The following ADK variants were observed in gnomAD, a reference collection of about 807,000 sequenced individuals.
The protein encoded by ADK is adenosine kinase.
In ADK, 24 loss-of-function variants were observed where a neutral mutation model predicts 44.7. The ratio of observed to expected loss-of-function variants is 0.54; its 90% CI spans 0.39 to 0.76. The LOEUF (loss-of-function observed/expected upper bound fraction) is 0.76. Ranked by LOEUF, ADK falls within the 30% of genes least tolerant of loss-of-function variation. ADK has a pLI of 0.00. For synonymous variants in ADK, 128 were observed against 142.6 expected (o/e 0.90, Z 0.73); for missense variants, 321 against 425.1 (o/e 0.76, Z 2.15).
intron 8 of ADK, among the ~76,000 whole-genome samples, chr10:74,595,170 C>G (rs905885848): frequency 2.4e-4 from 32 of 134,136 alleles, no homozygotes; most frequent in African/African-American, 9.1e-4. Context: ...GAGCCAAACT[C>G]CATCTCAAAA....
At chr10:74,515,234 G>A (rs958764483) in intron 6 of ADK, among the ~76,000 whole-genome samples, 1 of 152,198 alleles carries the variant, frequency 6.6e-6, no homozygotes, top group Non-Finnish European at 1.5e-5. Context: ...TTCTTCAGCT[G>A]TAATCCACTC....
chr10:74,197,738 A>C (rs1396266080), intron 1 of ADK, among the ~76,000 whole-genome samples: 2 of 151,964 alleles, frequency 1.3e-5, no homozygotes, highest in African/African-American at 4.8e-5. Flanking sequence ...GAGACTCAGA[A>C]GTGAATTATT....
At chr10:74,682,207 T>A (rs1305554977) in intron 10 of ADK, among the ~76,000 whole-genome samples, 1 of 152,216 alleles carries the variant, frequency 6.6e-6, no homozygotes, top group Non-Finnish European at 1.5e-5. Flanking sequence ...CTTCAAGAGC[T>A]TTCTTCCGAA....
intron 6 of ADK, among the ~76,000 whole-genome samples, chr10:74,493,023 C>A (rs899671539): frequency 1.3e-5 from 2 of 151,992 alleles, no homozygotes; most frequent in African/African-American, 4.8e-5. Context: ...ATGGAGATTG[C>A]CAAATAATGA....
chr10:74,246,826 T>C (rs1845432290), intron 3 of ADK, among the ~76,000 whole-genome samples: 2 of 152,190 alleles, frequency 1.3e-5, no homozygotes. Flanking sequence ...AGCCAGACAT[T>C]AAAGAGATTT....
At chr10:74,364,402 C>T (rs1367531820) in intron 4 of ADK, among the ~76,000 whole-genome samples, 1 of 152,122 alleles carries the variant, frequency 6.6e-6, no homozygotes, top group East Asian at 1.9e-4. Flanking sequence ...CTGCTCTCAC[C>T]ACGTTTTTAA....
At chr10:74,259,479 CG>C (rs1338845407) in intron 3 of ADK, among the ~76,000 whole-genome samples, 3 of 115,056 alleles carry the variant, frequency 2.6e-5, no homozygotes, top group African/African-American at 1.1e-4. Context: ...TTTTTTGAGA[CG>C]GAGTCTTGCT....
intron 6 of ADK, among the ~76,000 whole-genome samples, chr10:74,487,955 C>T (rs1027147930): frequency 2.0e-5 from 3 of 152,020 alleles, no homozygotes; most frequent in African/African-American, 7.2e-5. Flanking sequence ...AATCCACCCT[C>T]ACCAAGTGAT....
intron 1 of ADK, among the ~76,000 whole-genome samples, chr10:74,193,592 C>T (rs7073432): frequency 0.13 from 20,021 of 152,014 alleles, 1,328 homozygotes; most frequent in Middle Eastern, 0.21. Context: ...TGAGATGAGC[C>T]TGGGCAACAG....
chr10:74,241,149 G>T (rs1845190608), intron 3 of ADK, among the ~76,000 whole-genome samples: 1 of 152,202 alleles, frequency 6.6e-6, no homozygotes, highest in Non-Finnish European at 1.5e-5. Flanking sequence ...TTCCTGAGAT[G>T]ATTCAGCATA....
intron 9 of ADK, among the ~76,000 whole-genome samples, chr10:74,652,906 A>G (rs552388621): frequency 2.6e-5 from 4 of 152,138 alleles, no homozygotes; most frequent in East Asian, 1.9e-4. Flanking sequence ...TCACCATTCA[A>G]ACTACCAAGA....
chr10:74,529,829 A>G (rs1849212615), intron 7 of ADK, among the ~76,000 whole-genome samples: 1 of 152,194 alleles, frequency 6.6e-6, no homozygotes. Context: ...TGGACTATAG[A>G]ATAATAAAGA....
At chr10:74,372,072 C>A in intron 4 of ADK, 2 of 757,356 alleles carry the variant, frequency 2.6e-6, no homozygotes, top group Non-Finnish European at 4.8e-6. Flanking sequence ...GATGCCAGCC[C>A]GGGAAGGTTT....
chr10:74,585,885 A>G (rs774784741), intron 7 of ADK, among the ~76,000 whole-genome samples: 12 of 152,326 alleles, frequency 7.9e-5, no homozygotes, highest in Non-Finnish European at 1.6e-4. Context: ...GCAAAGGCAC[A>G]CTAAAAAGTC....
chr10:74,217,915 A>G (rs1019159239), intron 2 of ADK, among the ~76,000 whole-genome samples: 2 of 152,118 alleles, frequency 1.3e-5, no homozygotes, highest in African/African-American at 4.8e-5. Flanking sequence ...AACCACAAAG[A>G]TGGGGAAAAA....
At chr10:74,413,409 ACTCT>A (rs1247435448) in intron 6 of ADK, among the ~76,000 whole-genome samples, 1 of 152,048 alleles carries the variant, frequency 6.6e-6, no homozygotes, top group Admixed American at 6.6e-5. Context: ...GATCTGGGTA[ACTCT>A]TCAGCACCTG....
chr10:74,409,837 G>A (rs1431393936), intron 6 of ADK, among the ~76,000 whole-genome samples: 1 of 152,138 alleles, frequency 6.6e-6, no homozygotes, highest in East Asian at 1.9e-4. Flanking sequence ...TATATTAAAG[G>A]CAAGTAAGAA....
intron 2 of ADK, among the ~76,000 whole-genome samples, chr10:74,208,735 T>TTTTTTTA (rs1843696056): frequency 6.6e-6 from 1 of 151,820 alleles, no homozygotes; most frequent in Admixed American, 6.6e-5. Flanking sequence ...TATTTTTTTA[T>TTTTTTTA]TTTTTTATTT....
At chr10:74,620,268 T>G (rs556416702) in intron 9 of ADK, among the ~76,000 whole-genome samples, 1 of 152,216 alleles carries the variant, frequency 6.6e-6, no homozygotes, top group Non-Finnish European at 1.5e-5. Context: ...TATTGCCTCC[T>G]CCTTCTTACC....
Sources: gnomAD v4.1 joint callset for allele counts (sites outside exome capture counted in the v4.1 genomes callset) on GRCh38, gnomAD v4.1.1 for gene constraint, MANE v1.5 for transcripts, NCBI Gene and HGNC (gene_info 2026-07-23, HGNC 2026-07-21) for gene names.